The following KEAP1 variants were observed in gnomAD, a reference collection of about 807,000 sequenced individuals.
KEAP1 encodes the protein kelch like ECH associated protein 1, also known as kelch-like ECH-associated protein 1.
Under a neutral mutation model 59.7 loss-of-function variants are expected in KEAP1, and 26 were observed. The observed-to-expected ratio is 0.44, with a 90% CI of 0.32 to 0.60. The LOEUF (loss-of-function observed/expected upper bound fraction) is 0.60. Among genes scored for constraint, KEAP1 ranks in the 20% least tolerant of loss-of-function variants. The pLI is 0.06. For synonymous variants in KEAP1, 350 were observed against 358.3 expected, an observed-to-expected ratio of 0.98 and a Z score of 0.26; for missense variants, 539 against 871.4, an observed-to-expected ratio of 0.62 and a Z score of 4.80.
chr19:10,486,929 G>A (rs1914481843), intron 5 of KEAP1, 111 bp from the exon 6 acceptor site: 15 of 1,139,148 alleles, frequency 1.3e-5, no homozygotes, highest in Non-Finnish European at 1.5e-5. Flanking sequence ...GGGCGTGGTG[G>A]CTCACGCCTA....
chr19:10,490,651 G>A (rs2144593971), intron 3 of KEAP1: 1 of 152,274 alleles, frequency 6.6e-6, no homozygotes, highest in Non-Finnish European at 1.5e-5. Flanking sequence ...GAACCCTCCT[G>A]GCTCAGCCTC....
intron 2 of KEAP1, 41 bp from the exon 3 acceptor site, chr19:10,492,303 C>T (rs1914702519): frequency 1.4e-6 from 2 of 1,470,820 alleles, no homozygotes; most frequent in East Asian, 4.6e-5. Context: ...TCTCCAGTCA[C>T]CCCCACACCT....
rs930341388 is a variant in KEAP1 at position 10,491,028 on chromosome 19, G to A, written c.1325+549C>T. The A allele has an allele frequency of 1.3e-5, 2 of 152,118 alleles. No individual in the cohort carries two copies. The highest frequency in any genetic ancestry group is 6.6e-5 in the Admixed American group (1 of 15,206). 9.4% of individuals were successfully genotyped at this position (152,118 alleles called of 1,614,324 possible). On this transcript the variant is annotated intron_variant, in intron 3 of 5. Coordinates refer to ENST00000171111, the MANE Select transcript of KEAP1 (RefSeq NM_203500.2). The surrounding 1 kb of genome is among the most constrained non-coding windows in gnomAD (Gnocchi z 5.2). The stretch of plus-strand genomic sequence containing the variant: ...GAGGACAGGAGTTCAAGACCAGCCT[G>A]GCCAACATGGTGAAACCCCATCTCT...
At chr19:10,486,890 G>C (rs1914480551) in intron 5 of KEAP1, 72 bp from the exon 6 acceptor site, 1 of 1,509,520 alleles carries the variant, frequency 6.6e-7, no homozygotes. Context: ...GAAAGAGAGA[G>C]ATGCAGCTGT....
intron 5 of KEAP1, 105 bp from the exon 6 acceptor site, chr19:10,486,923 G>C (rs1914481676): frequency 1.6e-6 from 2 of 1,250,468 alleles, no homozygotes; most frequent in Non-Finnish European, 2.2e-6. Context: ...CAGGCCGGGC[G>C]TGGTGGCTCA....
chr19:10,489,904 G>T, intron 3 of KEAP1, 51 bp from the exon 4 acceptor site: 1 of 1,527,428 alleles, frequency 6.5e-7, no homozygotes, highest in Non-Finnish European at 9.0e-7. Flanking sequence ...GCTGACCTTC[G>T]TGGAATACTT....
chr19:10,500,783 G>A (rs577773876), intron 1 of KEAP1, among the ~76,000 whole-genome samples: 10 of 150,004 alleles, frequency 6.7e-5, no homozygotes, highest in African/African-American at 1.2e-4. Context: ...GGGTTCAAGC[G>A]ATCCTCCTGC....
chr19:10,492,364 G>C, intron 2 of KEAP1, 102 bp from the exon 3 acceptor site: 1 of 816,112 alleles, frequency 1.2e-6, no homozygotes, highest in Non-Finnish European at 2.0e-6. Flanking sequence ...GACAGTCTCA[G>C]CTTCCTTATC....
chr19:10,495,612 C>T (rs927001653), intron 2 of KEAP1, among the ~76,000 whole-genome samples: 10 of 151,898 alleles, frequency 6.6e-5, no homozygotes, highest in East Asian at 1.9e-4. Flanking sequence ...GCAGGAAAAT[C>T]GCTTGAATCC....
rs759406594 is a variant in KEAP1 at position 10,499,799 on chromosome 19, C to A, written c.235G>T (p.Val79Phe). ...ELRLSQQLCDVTLQVKYQDAP... is the reference protein window; with the variant it reads ...ELRLSQQLCDFTLQVKYQDAP... ...TCCTGGTACTTGACCTGCAGTGTGA[C>A]GTCACACAGCTGCTGGCTGAGCCGC... is the stretch of plus-strand genomic sequence containing the variant. Residue 79 changes from valine (V) to phenylalanine (F), a missense_variant, in exon 2 of 6, where the codon GTC becomes TTC. Physicochemically the swap from Val to Phe is conservative, Grantham distance 50 (BLOSUM62 -1). Around this residue, in one of 4 missense-constraint regions of KEAP1, gnomAD observed 166 missense variants for 295.8 expected, o/e 0.56. Coordinates refer to ENST00000171111, the MANE Select transcript of KEAP1 (RefSeq NM_203500.2). This position sits in a 1 kb window ranked among gnomAD's most constrained non-coding sequence, Gnocchi z 6.7. 2 of 1,614,096 alleles carry A rather than the reference C, an allele frequency of 1.2e-6. No individual in the cohort carries two copies. The highest frequency in any genetic ancestry group is 8.5e-7 in the Non-Finnish European group (1 of 1,180,042).
rs1412883238 is a variant in KEAP1 at position 10,489,732 on chromosome 19, G to T, written c.1447C>A (p.Arg483Ser). 1.2e-6 allele frequency: 2 copies of T among 1,614,030 alleles called. No individual in the cohort carries two copies. The highest frequency in any genetic ancestry group is 1.7e-6 in the Non-Finnish European group (2 of 1,180,030). Reference protein sequence around the residue: ...YAVGGFDGTNRLNSAECYYPE... With the variant: ...YAVGGFDGTNSLNSAECYYPE... Reference sequence around the variant, plus strand: ...TAGTAACACTCAGCTGAATTAAGGCGGTTTGTCCCGTCAAAGCCCCCCACG... The same window carrying T: ...TAGTAACACTCAGCTGAATTAAGGCTGTTTGTCCCGTCAAAGCCCCCCACG... The change falls in exon 4 of 6, where the codon CGC (arginine) becomes AGC (serine). Residue 483 changes from arginine to serine, a missense_variant. Physicochemically the swap from Arg to Ser is moderately radical, Grantham distance 110 (BLOSUM62 -1). Around this residue, in one of 4 missense-constraint regions of KEAP1, gnomAD observed 311 missense variants for 425.2 expected, o/e 0.73. Transcript: ENST00000171111.
At chr19:10,498,835 T>G (rs1302773271) in intron 2 of KEAP1, among the ~76,000 whole-genome samples, 1 of 138,922 alleles carries the variant, frequency 7.2e-6, no homozygotes, top group African/African-American at 2.8e-5. Flanking sequence ...CCAGTTGTTT[T>G]TTAATTTTTT....
In KEAP1 at chr19:10,502,466, A is replaced by T. The variant is rs1324613680; in HGVS notation, c.-48+775T>A. 3.9e-5 allele frequency: 6 copies of T among 152,108 alleles called. No homozygotes were observed. Among genetic ancestry groups the T allele is most frequent in the Non-Finnish European group, 8.8e-5 (6 of 68,078 alleles). The allele number at this position is 152,108 out of a possible 1,614,324, so 9.4% of individuals were successfully genotyped here. The stretch of plus-strand genomic sequence containing the variant: ...GGAGCCCCCGGGCCTCCTTCTGCGC[A>T]GCGCCTCCTGGTTCTCTCGCTCGGT... On this transcript the variant is annotated intron_variant, in intron 1 of 5. Coordinates refer to ENST00000171111, the MANE Select transcript of KEAP1 (RefSeq NM_203500.2). This position sits in a 1 kb window ranked among gnomAD's most constrained non-coding sequence, Gnocchi z 4.0.
Position 10,502,172 on chromosome 19 carries a change from G to A in KEAP1, c.-48+1069C>T, listed in dbSNP as rs944143202. Among the ~76,000 whole-genome samples the A allele has an allele frequency of 3.3e-5, 5 of 152,168 alleles. No individual in the cohort carries two copies. The highest frequency in any genetic ancestry group is 1.5e-5 in the Non-Finnish European group (1 of 68,026). On this transcript the variant is annotated intron_variant, in intron 1 of 5. Coordinates refer to ENST00000171111, the MANE Select transcript of KEAP1 (RefSeq NM_203500.2). This position sits in a 1 kb window ranked among gnomAD's most constrained non-coding sequence, Gnocchi z 4.0. ...GGTTGGCTAACTGCCCTGCCACCGT[G>A]CCTGCCAGAGCGGCCTCCTCCACCC...
intron 2 of KEAP1, among the ~76,000 whole-genome samples, chr19:10,497,388 C>A (rs8113472): frequency 0.11 from 16,516 of 152,110 alleles, 1,072 homozygotes; most frequent in African/African-American, 0.18. Flanking sequence ...CCAGCTGGTA[C>A]CAGCCAGTGG....
intron 3 of KEAP1, chr19:10,490,924 A>C (rs1261659017): frequency 1.3e-5 from 2 of 152,200 alleles, no homozygotes; most frequent in Admixed American, 6.6e-5. Flanking sequence ...TTTGATGCTC[A>C]AAGAGTCCTT....
chr19:10,489,989 T>C (rs1287278282), intron 3 of KEAP1, 136 bp from the exon 4 acceptor site: 13 of 848,366 alleles, frequency 1.5e-5, no homozygotes, highest in Non-Finnish European at 2.2e-5. Flanking sequence ...CGATGGCTCA[T>C]GCCTGTAATC....
rs145128678 is a variant in KEAP1 at position 10,497,308 on chromosome 19, C to T, written c.639+2087G>A. Among the ~76,000 whole-genome samples the T allele has an allele frequency of 5.5e-3, 843 of 152,168 alleles. 5 individuals are homozygous for T. Among genetic ancestry groups the T allele is most frequent in the African/African-American group, 0.019 (775 of 41,538 alleles). On this transcript the variant is annotated intron_variant, in intron 2 of 5. Transcript: ENST00000171111. ...ACCCTGGGGCGTCTGATCAACCCCACATGTAACATAGAGGGTAGGAAAGAA... is the reference window on the plus strand; with the variant it reads ...ACCCTGGGGCGTCTGATCAACCCCATATGTAACATAGAGGGTAGGAAAGAA...
intron 1 of KEAP1, among the ~76,000 whole-genome samples, chr19:10,500,981 G>A (rs1256940393): frequency 1.3e-5 from 2 of 152,026 alleles, no homozygotes; most frequent in African/African-American, 4.8e-5. Flanking sequence ...TGCCTGACCC[G>A]GGGTGCAGTT....
Sources: gnomAD v4.1 joint callset for allele counts (sites outside exome capture counted in the v4.1 genomes callset) on GRCh38, gnomAD v4.1.1 for gene constraint, gnomAD v4.1.1 regional missense constraint, Gnocchi (gnomAD v3.1) non-coding constraint, MANE v1.5 for transcripts, NCBI Gene and HGNC (gene_info 2026-07-23, HGNC 2026-07-21) for gene names.